The following CTNNA1 variants were observed in gnomAD, a reference collection of about 807,000 sequenced individuals.
CTNNA1 encodes catenin alpha-1.
In CTNNA1, 37 loss-of-function variants were observed where a neutral mutation model predicts 98.4. The observed-to-expected ratio is 0.38, with a 90% confidence interval of 0.29 to 0.49. The LOEUF is 0.49. Ranked by LOEUF, CTNNA1 falls within the 20% of genes least tolerant of loss-of-function variation. The pLI is 0.95. For missense variants in CTNNA1, 761 were observed against 1,147.2 expected (o/e 0.66, Z 4.86); for synonymous variants, 404 against 413.2 (o/e 0.98, Z 0.27).
chr5:138,795,151 CAAAAAAAAAAA>C (rs35532090), intron 3 of CTNNA1, among the ~76,000 whole-genome samples: 11 of 81,678 alleles, frequency 1.3e-4, no homozygotes, highest in African/African-American at 5.3e-4. Flanking sequence ...GTGAGACTCT[CAAAAAAAAAAA>C]AAAAAAAAAA....
At chr5:138,756,447 G>C (rs1164238640) in intron 1 of CTNNA1, among the ~76,000 whole-genome samples, 1 of 152,124 alleles carries the variant, frequency 6.6e-6, no homozygotes. Flanking sequence ...GATTACAGGT[G>C]TGAGCCACCG....
intron 7 of CTNNA1, among the ~76,000 whole-genome samples, chr5:138,865,459 T>A (rs1372632340): frequency 6.6e-6 from 1 of 152,230 alleles, no homozygotes; most frequent in East Asian, 1.9e-4. Flanking sequence ...TACAGCTGGC[T>A]CCATTTTATA....
chr5:138,785,252 G>A (rs939855369), intron 3 of CTNNA1, among the ~76,000 whole-genome samples: 1 of 151,282 alleles, frequency 6.6e-6, no homozygotes, highest in Non-Finnish European at 1.5e-5. Flanking sequence ...TAGTAGAGAC[G>A]GGGTTTCACT....
intron 7 of CTNNA1, among the ~76,000 whole-genome samples, chr5:138,852,580 T>C (rs1052694621): frequency 3.3e-5 from 5 of 152,168 alleles, no homozygotes; most frequent in Non-Finnish European, 7.4e-5. Context: ...TCAATATACT[T>C]GTAAGAAATT....
chr5:138,815,105 TG>T (rs1759296766), intron 5 of CTNNA1, among the ~76,000 whole-genome samples: 1 of 152,162 alleles, frequency 6.6e-6, no homozygotes, highest in African/African-American at 2.4e-5. Flanking sequence ...CTACCTGAGT[TG>T]TTTTTTTTCT....
At chr5:138,933,576 C>T (rs1765896561) in intron 17 of CTNNA1, among the ~76,000 whole-genome samples, 1 of 152,158 alleles carries the variant, frequency 6.6e-6, no homozygotes, top group Non-Finnish European at 1.5e-5. Flanking sequence ...GCGAGGTTGC[C>T]TCATGTCTTC....
Position 138,925,242 on chromosome 5 carries a change from C to T in CTNNA1, c.1748-14C>T, listed in dbSNP as rs771321789. Reference sequence around the variant, plus strand: ...CTGCTGACCAGGGTATCTACTGTGCCTCTTTCTCCACAGTCATGCCACGTT... The same window carrying T: ...CTGCTGACCAGGGTATCTACTGTGCTTCTTTCTCCACAGTCATGCCACGTT... On this transcript the variant is annotated splice_polypyrimidine_tract_variant and intron_variant, in intron 12 of 17. Coordinates refer to ENST00000302763, the MANE Select transcript of CTNNA1 (RefSeq NM_001903.5). 2 of 1,612,646 alleles carry T rather than the reference C, an allele frequency of 1.2e-6. No individual in the cohort carries two copies. The highest frequency in any genetic ancestry group is 1.7e-5 in the Admixed American group (1 of 59,946).
chr5:138,785,553 G>A (rs866603538), intron 3 of CTNNA1, among the ~76,000 whole-genome samples: 6 of 151,814 alleles, frequency 4.0e-5, no homozygotes, highest in South Asian at 2.1e-4. Context: ...AGTGACTGAC[G>A]TTTCTTTTCT....
In CTNNA1 at chr5:138,934,261, AAATGCTTTTAG is replaced by A. The variant is rs1412777218; in HGVS notation, c.*178_*188del. On this transcript the variant is annotated 3_prime_UTR_variant, in exon 18 of 18. Coordinates refer to ENST00000302763, the MANE Select transcript of CTNNA1 (RefSeq NM_001903.5). ...CAAGAACATAGTTTAAGTTGATTAA[AAATGCTTTTAG>A]AATGCAGGAGCCTACTTCTAGCTGT... 1 of 575,862 alleles carries A rather than the reference AAATGCTTTTAG, an allele frequency of 1.7e-6. No individual in the cohort carries two copies. The highest frequency in any genetic ancestry group is 1.9e-5 in the African/African-American group (1 of 53,386). 35.7% of individuals were successfully genotyped at this position (575,862 alleles called of 1,614,324 possible). A position where few individuals can be genotyped will look rare whatever the true frequency, so the allele number is the denominator to read the frequency against.
chr5:138,865,841 T>C (rs1434076913), intron 7 of CTNNA1, among the ~76,000 whole-genome samples: 4 of 152,232 alleles, frequency 2.6e-5, no homozygotes, highest in Non-Finnish European at 5.9e-5. Context: ...CTAAGTTTCC[T>C]TGACTGTATA....
intron 3 of CTNNA1, among the ~76,000 whole-genome samples, chr5:138,804,373 ATTATT>A (rs1757874680): frequency 1.3e-5 from 1 of 77,212 alleles, no homozygotes; most frequent in Non-Finnish European, 2.8e-5. Flanking sequence ...TTTTTAGTAT[ATTATT>A]AGGTTGTGCA....
In CTNNA1 at chr5:138,848,166, A is replaced by G. The variant is rs980764653; in HGVS notation, c.1062+20448A>G. The stretch of plus-strand genomic sequence containing the variant: ...GGATTTTCTATGGAGAGACTGTTCT[A>G]GTCTTGACAGCTGCACTGAGCATGA... On this transcript the variant is annotated intron_variant, in intron 7 of 17. Transcript: ENST00000302763. Among the ~76,000 whole-genome samples, 4 of 67,524 alleles carry G rather than the reference A, an allele frequency of 5.9e-5. No individual in the cohort carries two copies. In the East Asian group the frequency reaches 0.059, roughly 993 times the overall value. The allele number at this position is 67,524 out of a possible 152,430, so 44.3% of individuals were successfully genotyped here. A position where few individuals can be genotyped will look rare whatever the true frequency, so the allele number is the denominator to read the frequency against.
intron 7 of CTNNA1, among the ~76,000 whole-genome samples, chr5:138,868,096 A>G (rs1288685668): frequency 6.6e-6 from 1 of 152,184 alleles, no homozygotes; most frequent in Non-Finnish European, 1.5e-5. Flanking sequence ...TTATTTTTGT[A>G]AGAATACCAT....
chr5:138,854,233 A>T (rs1393795764), intron 7 of CTNNA1, among the ~76,000 whole-genome samples: 1 of 152,226 alleles, frequency 6.6e-6, no homozygotes, highest in Non-Finnish European at 1.5e-5. Flanking sequence ...GCAAGCACTG[A>T]ATGTGACTCT....
At position 138,803,764 on chromosome 5, in the gene CTNNA1, TTC is replaced by T. The variant is rs781084662; in HGVS notation, c.302-6268_302-6267del. 5.9e-4 allele frequency among the ~76,000 whole-genome samples: 90 copies of T among 152,294 alleles called. 3 individuals are homozygous for T. In the Middle Eastern group the frequency reaches 0.01, roughly 17 times the overall value. ...TTTTAAATTGTATCTTACATCCCTTTTCTCTCTGTCCTCCTTTCTGTCACTGC... is the reference window on the plus strand; with the variant it reads ...TTTTAAATTGTATCTTACATCCCTTTTCTCTGTCCTCCTTTCTGTCACTGC... On this transcript the variant is annotated intron_variant, in intron 3 of 17. Transcript: ENST00000302763.
rs28363410 is a variant in CTNNA1 at position 138,826,586 on chromosome 5, G to A, written c.859-929G>A. On this transcript the variant is annotated intron_variant, in intron 6 of 17. Transcript: ENST00000302763. ...GGAGCAGTTCTTCCTCACAGCTTAG[G>A]TTTTTGGGAGGATTGCTATCATCTC... is the stretch of plus-strand genomic sequence containing the variant. 0.012 allele frequency among the ~76,000 whole-genome samples: 1,776 copies of A among 152,268 alleles called. 29 individuals are homozygous for A. Among genetic ancestry groups the A allele is most frequent in the African/African-American group, 0.041 (1,693 of 41,542 alleles).
intron 11 of CTNNA1, among the ~76,000 whole-genome samples, chr5:138,920,701 C>A (rs367620785): frequency 2.0e-5 from 3 of 152,336 alleles, no homozygotes; most frequent in Admixed American, 1.3e-4. Context: ...CCATCAAATT[C>A]TCTTACACTC....
intron 7 of CTNNA1, among the ~76,000 whole-genome samples, chr5:138,877,143 T>C (rs112624104): frequency 0.023 from 3,476 of 152,306 alleles, 134 homozygotes; most frequent in African/African-American, 0.08. Context: ...TACGTCCTCT[T>C]TGTTCCTTCT....
intron 1 of CTNNA1, chr5:138,753,948 T>A (rs1751310666): frequency 6.6e-6 from 1 of 152,506 alleles, no homozygotes; most frequent in African/African-American, 2.4e-5. Context: ...TGGGAGCCGC[T>A]TTCCCGGGAA....
Sources: allele counts gnomAD v4.1 joint callset (sites outside exome capture counted in the v4.1 genomes callset), GRCh38; gene constraint gnomAD v4.1.1; transcripts MANE v1.5; gene names NCBI Gene and HGNC (gene_info 2026-07-23, HGNC 2026-07-21).